The following HS2ST1 variants were observed in gnomAD, a reference collection of about 807,000 sequenced individuals.
The protein encoded by HS2ST1 is heparan sulfate 2-O-sulfotransferase 1.
A neutral mutation model predicts 42.9 loss-of-function variants in HS2ST1; 18 were observed. That is an observed-to-expected ratio of 0.42 (90% CI 0.29 to 0.62). The LOEUF (loss-of-function observed/expected upper bound fraction) is 0.62, where lower values mean the gene tolerates loss of function less well. Ranked by LOEUF, HS2ST1 falls within the 20% of genes least tolerant of loss-of-function variation. The pLI, the probability that HS2ST1 is intolerant of heterozygous loss-of-function variation, is 0.21. For missense variants in HS2ST1, 334 were observed against 433.8 expected (o/e 0.77, Z 2.04); for synonymous variants, 146 against 152.9 (o/e 0.95, Z 0.33).
chr1:86,998,077 A>G (rs1649158445), intron 1 of HS2ST1, among the ~76,000 whole-genome samples: 1 of 152,240 alleles, frequency 6.6e-6, no homozygotes, highest in African/African-American at 2.4e-5. Context: ...TTGCTACAGA[A>G]GGTAAGACCT....
chr1:86,959,677 T>C (rs1475165364), intron 1 of HS2ST1, among the ~76,000 whole-genome samples: 2 of 152,010 alleles, frequency 1.3e-5, no homozygotes, highest in Non-Finnish European at 2.9e-5. Flanking sequence ...TAAAAGACTA[T>C]AGCAGTGTTG....
intron 3 of HS2ST1, among the ~76,000 whole-genome samples, chr1:87,088,777 A>C (rs1266854085): frequency 4.0e-5 from 2 of 49,746 alleles, no homozygotes; most frequent in South Asian, 2.0e-3. Context: ...ACAGTTGATG[A>C]ATGCCCCTTT....
intron 1 of HS2ST1, among the ~76,000 whole-genome samples, chr1:86,917,379 C>T (rs1056795280): frequency 6.6e-6 from 1 of 151,946 alleles, no homozygotes; most frequent in Admixed American, 6.6e-5. Context: ...ATTAGTCGGG[C>T]GGGGTGGCGG....
chr1:87,028,705 T>C (rs1010852529), intron 1 of HS2ST1, among the ~76,000 whole-genome samples: 2 of 152,184 alleles, frequency 1.3e-5, no homozygotes, highest in African/African-American at 4.8e-5. Context: ...TTTGGGAGAA[T>C]AGCAACATAT....
intron 1 of HS2ST1, among the ~76,000 whole-genome samples, chr1:87,014,301 C>T (rs1649687253): frequency 2.0e-5 from 3 of 152,192 alleles, no homozygotes; most frequent in Admixed American, 2.0e-4. Flanking sequence ...ACATGTATTA[C>T]TTGGCGGCAA....
intron 1 of HS2ST1, among the ~76,000 whole-genome samples, chr1:87,066,971 T>C (rs1651269029): frequency 6.6e-6 from 1 of 152,244 alleles, no homozygotes; most frequent in African/African-American, 2.4e-5. Flanking sequence ...AGTCTATCAT[T>C]GATGGGGATT....
chr1:87,063,927 T>G (rs1651181796), intron 1 of HS2ST1, among the ~76,000 whole-genome samples: 1 of 152,190 alleles, frequency 6.6e-6, no homozygotes, highest in Non-Finnish European at 1.5e-5. Flanking sequence ...TATAATCTTC[T>G]GTTTCCTTGC....
intron 5 of HS2ST1, chr1:87,098,237 GT>G (rs1652117145): frequency 1.3e-6 from 1 of 786,972 alleles, no homozygotes; most frequent in African/African-American, 2.0e-5. Context: ...GTGGGGGTGG[GT>G]GTCATAAATC....
intron 1 of HS2ST1, among the ~76,000 whole-genome samples, chr1:86,929,546 T>C (rs1557483045): frequency 1.3e-5 from 2 of 151,862 alleles, no homozygotes; most frequent in Admixed American, 1.3e-4. Flanking sequence ...CTCTTTCCTA[T>C]TAATACCTGT....
At chr1:87,070,757 A>C (rs1651381707) in intron 1 of HS2ST1, among the ~76,000 whole-genome samples, 1 of 152,118 alleles carries the variant, frequency 6.6e-6, no homozygotes, top group Admixed American at 6.6e-5. Flanking sequence ...TGCTTCTTTA[A>C]AGTCTCTCCT....
At chr1:87,101,165 T>G (rs867019637) in intron 5 of HS2ST1, among the ~76,000 whole-genome samples, 23 of 120,078 alleles carry the variant, frequency 1.9e-4, no homozygotes, top group Middle Eastern at 3.8e-3. Flanking sequence ...TGTTTTTTTT[T>G]TTTTTTTTTT....
intron 1 of HS2ST1, among the ~76,000 whole-genome samples, chr1:86,939,437 A>G (rs2102173875): frequency 6.6e-6 from 1 of 152,356 alleles, no homozygotes; most frequent in South Asian, 2.1e-4. Context: ...TTGTCCCACA[A>G]AAAAAGTAGA....
In HS2ST1 at chr1:86,972,336, A is replaced by G. The variant is rs140867885; in HGVS notation, c.124+57176A>G. Among the ~76,000 whole-genome samples, 184 of 152,204 alleles carry G rather than the reference A, an allele frequency of 1.2e-3. 1 individual carries two copies. Among genetic ancestry groups the G allele is most frequent in the Non-Finnish European group, 2.0e-3 (138 of 68,008 alleles). ...TTCACATGGCTTGTATTACAATGTT[A>G]TTATAATCTATTTAATAATTATTTT... On this transcript the variant is annotated intron_variant, in intron 1 of 6. Coordinates refer to ENST00000370550, the MANE Select transcript of HS2ST1 (RefSeq NM_012262.4).
intron 1 of HS2ST1, among the ~76,000 whole-genome samples, chr1:86,974,810 A>G (rs1648346701): frequency 1.3e-5 from 2 of 152,206 alleles, no homozygotes. Context: ...TTTAGTAGTC[A>G]TCGCATTTTG....
At chr1:87,047,097 A>C (rs1338720079) in intron 1 of HS2ST1, among the ~76,000 whole-genome samples, 1 of 152,124 alleles carries the variant, frequency 6.6e-6, no homozygotes, top group African/African-American at 2.4e-5. Context: ...TGAGAATTCC[A>C]GTTACTCCAC....
At chr1:87,013,531 C>T (rs1649663334) in intron 1 of HS2ST1, among the ~76,000 whole-genome samples, 1 of 152,240 alleles carries the variant, frequency 6.6e-6, no homozygotes, top group Admixed American at 6.5e-5. Context: ...ATGGGAGGGG[C>T]TGCCATGAAG....
Position 86,914,943 on chromosome 1 carries a change from C to T in HS2ST1, c.-94C>T. On this transcript the variant is annotated 5_prime_UTR_variant, in exon 1 of 7. Coordinates refer to ENST00000370550, the MANE Select transcript of HS2ST1 (RefSeq NM_012262.4). ...GCTGTCGCTCTCTCTTTGCCTCGCT[C>T]CCGGCTCGGCGGGCTCCTCCCGGCG... The T allele has an allele frequency of 7.2e-6, 11 of 1,523,816 alleles. No homozygotes were observed. The highest frequency in any genetic ancestry group is 9.9e-6 in the Non-Finnish European group (11 of 1,113,044). 94.4% of individuals were successfully genotyped at this position (1,523,816 alleles called of 1,614,324 possible).
At chr1:86,948,860 A>G (rs1647418376) in intron 1 of HS2ST1, among the ~76,000 whole-genome samples, 1 of 152,196 alleles carries the variant, frequency 6.6e-6, no homozygotes. Context: ...GAGCTCTGCT[A>G]TAATTAATTA....
chr1:87,103,541 G>T lies in HS2ST1; in HGVS notation c.796G>T (p.Ala266Ser). ...TGAAGATTTTATCATGTTATTGGAGGCAGCATTGCCCCGGTTTTTCAGGGG... is the reference window on the plus strand; with the variant it reads ...TGAAGATTTTATCATGTTATTGGAGTCAGCATTGCCCCGGTTTTTCAGGGG... ...ELEDFIMLLE[A>S]ALPRFFRGAT... is the part of the protein sequence containing the mutation. The change falls in exon 6 of 7, where the codon GCA (alanine) becomes TCA (serine). Residue 266 changes from alanine to serine, a missense_variant. Ala to Ser is a moderately conservative substitution (Grantham distance 99, BLOSUM62 1). Transcript: ENST00000370550. 2.5e-6 allele frequency: 4 copies of T among 1,612,134 alleles called. No homozygotes were observed. The highest frequency in any genetic ancestry group is 2.5e-6 in the Non-Finnish European group (3 of 1,179,100).
Sources: allele counts gnomAD v4.1 joint callset (sites outside exome capture counted in the v4.1 genomes callset), GRCh38; gene constraint gnomAD v4.1.1; transcripts MANE v1.5; gene names NCBI Gene and HGNC (gene_info 2026-07-23, HGNC 2026-07-21).